The following LRCH2 variants were observed in gnomAD, a reference collection of about 807,000 sequenced individuals.
LRCH2 encodes leucine rich repeats and calponin homology domain containing 2, also known as leucine-rich repeat and calponin homology domain-containing protein 2.
Under a neutral mutation model 68.9 loss-of-function variants are expected in LRCH2, and 38 were observed. The observed-to-expected ratio is 0.55, with a 90% confidence interval of 0.43 to 0.72. The LOEUF is 0.72. Among genes scored for constraint, LRCH2 ranks in the 30% least tolerant of loss-of-function variants. The probability of loss-of-function intolerance (pLI) is 0.00; values close to 1 mark genes in which losing one functional copy is unlikely to be tolerated. For missense variants in LRCH2, 528 were observed against 572.9 expected, an observed-to-expected ratio of 0.92 and a Z score of 0.80; for synonymous variants, 191 against 208.1, an observed-to-expected ratio of 0.92 and a Z score of 0.71.
At chrX:115,218,016 A>C (rs782717167) in intron 1 of LRCH2, among the ~76,000 whole-genome samples, 8 of 111,739 alleles carry the variant, frequency 7.2e-5, no homozygotes, top group Non-Finnish European at 1.5e-4. Flanking sequence ...TGTTGGCTGC[A>C]TAAATGTCTT....
intron 5 of LRCH2, among the ~76,000 whole-genome samples, chrX:115,174,608 C>A (rs1392877681): frequency 1.0e-5 from 1 of 99,961 alleles, no homozygotes; most frequent in Non-Finnish European, 2.0e-5. Context: ...CCCCCACACA[C>A]ACACACACAC....
At chrX:115,143,078 G>A (rs782075386) in intron 14 of LRCH2, among the ~76,000 whole-genome samples, 2 of 111,146 alleles carry the variant, frequency 1.8e-5, no homozygotes, top group African/African-American at 6.5e-5. Context: ...CTGGGAGAAA[G>A]AGTGAGACTC....
intron 14 of LRCH2, among the ~76,000 whole-genome samples, chrX:115,138,172 G>A (rs1407927327): frequency 1.9e-5 from 2 of 106,711 alleles, no homozygotes; most frequent in Non-Finnish European, 3.9e-5. Context: ...GTCTCACAAA[G>A]CAAGCCATAC....
intron 6 of LRCH2, among the ~76,000 whole-genome samples, chrX:115,169,915 A>G (rs2072592228): frequency 9.0e-6 from 1 of 111,084 alleles, no homozygotes; most frequent in South Asian, 3.8e-4. Flanking sequence ...ACTATGATGA[A>G]AGGGAAAAGG....
intron 1 of LRCH2, among the ~76,000 whole-genome samples, chrX:115,223,454 T>A (rs56948113): frequency 0.17 from 17,983 of 106,925 alleles, 1,278 homozygotes; most frequent in Non-Finnish European, 0.2. Flanking sequence ...ATTTTTTTTT[T>A]AAAAAAACCT....
rs782586476 is a variant in LRCH2, at chrX:115,179,757, G to A, written c.622-6C>T. 2.0e-6 allele frequency: 2 copies of A among 1,019,918 alleles called. No homozygotes were observed. Among genetic ancestry groups the A allele is most frequent in the Admixed American group, 3.5e-5 (1 of 28,170 alleles). The allele number at this position is 1,019,918 out of a possible 1,213,427, so 84.1% of individuals were successfully genotyped here. A position where few individuals can be genotyped will look rare whatever the true frequency, so the allele number is the denominator to read the frequency against. On this transcript the variant is annotated splice_region_variant and splice_polypyrimidine_tract_variant and intron_variant, in intron 3 of 20. Transcript: ENST00000317135. ...ATCTCATTGCAGCTAATATCCTAAG[G>A]AGAACAATAAAACAGAATTATAACA...
chrX:115,188,316 G>T lies in LRCH2; in HGVS notation c.404C>A (p.Pro135His). ...ATGATATAAATTTAATGTTTCAAGG[G>T]GTGCAAATAACCAGACATCAGAAGG... ...EIPSDVWLFA[P>H]LETLNLYHNC... Residue 135 changes from proline (P) to histidine (H), a missense_variant, in exon 2 of 21, where the codon CCC (proline) becomes CAC (histidine). By Grantham distance (77) the Pro-to-His change is moderately conservative. Coordinates refer to ENST00000317135, the MANE Select transcript of LRCH2 (RefSeq NM_020871.4). The T allele has an allele frequency of 1.7e-6, 2 of 1,187,838 alleles. No individual in the cohort carries two copies. Among genetic ancestry groups the T allele is most frequent in the East Asian group, 3.0e-5 (1 of 33,404 alleles).
chrX:115,176,509 T>A (rs1416557581), intron 5 of LRCH2, among the ~76,000 whole-genome samples: 4 of 14,412 alleles, frequency 2.8e-4, no homozygotes, highest in Non-Finnish European at 6.4e-4. Flanking sequence ...ATTTTTCAAT[T>A]TTTTTTTTTT....
intron 14 of LRCH2, among the ~76,000 whole-genome samples, chrX:115,146,036 C>G (rs2072379403): frequency 8.9e-6 from 1 of 111,913 alleles, no homozygotes; most frequent in African/African-American, 3.2e-5. Flanking sequence ...TGGAAGCAAC[C>G]TAAGTGTCCA....
intron 1 of LRCH2, among the ~76,000 whole-genome samples, chrX:115,212,284 T>C (rs1461043753): frequency 1.8e-5 from 2 of 112,057 alleles, no homozygotes; most frequent in Non-Finnish European, 3.8e-5. Flanking sequence ...GATGGATGCA[T>C]GCACATGCAG....
chrX:115,131,556 C>T (rs1556530223), intron 14 of LRCH2, among the ~76,000 whole-genome samples: 1 of 111,708 alleles, frequency 9.0e-6, no homozygotes. Flanking sequence ...AATAGTGCTG[C>T]AATAAACATA....
intron 11 of LRCH2, among the ~76,000 whole-genome samples, chrX:115,157,057 A>T (rs920063462): frequency 1.6e-4 from 18 of 111,585 alleles, no homozygotes; most frequent in Non-Finnish European, 3.0e-4. Flanking sequence ...TTGCCAAATG[A>T]AAAATTTTAA....
chrX:115,221,392 T>C (rs2073084617), intron 1 of LRCH2, among the ~76,000 whole-genome samples: 1 of 108,366 alleles, frequency 9.2e-6, no homozygotes, highest in African/African-American at 3.4e-5. Context: ...AATGAGGGGT[T>C]CAGATATACA....
chrX:115,222,774 A>G, intron 1 of LRCH2, among the ~76,000 whole-genome samples: 1 of 112,083 alleles, frequency 8.9e-6, no homozygotes. Context: ...AATTCCCCCA[A>G]ATTGATGATT....
At chrX:115,150,156 T>A in intron 12 of LRCH2, 86 bp from the exon 13 acceptor site, 3 of 741,270 alleles carry the variant, frequency 4.0e-6, no homozygotes, top group South Asian at 3.9e-5. Context: ...GTTATCTTTT[T>A]AAAAACATTG....
At chrX:115,227,984 G>T in intron 1 of LRCH2, among the ~76,000 whole-genome samples, 1 of 111,729 alleles carries the variant, frequency 9.0e-6, no homozygotes, top group Non-Finnish European at 1.9e-5. Flanking sequence ...TTTCCTCAAA[G>T]AATTTGATAT....
intron 10 of LRCH2, 42 bp from the exon 11 acceptor site, chrX:115,163,825 G>A (rs782195966): frequency 1.2e-5 from 12 of 980,400 alleles, no homozygotes; most frequent in South Asian, 2.4e-5. Context: ...AAGTAAGGCA[G>A]ACTACATTTT....
At chrX:115,228,069 G>GCTAT (rs1168852447) in intron 1 of LRCH2, among the ~76,000 whole-genome samples, 2 of 112,079 alleles carry the variant, frequency 1.8e-5, no homozygotes. Context: ...TTAATGGAAT[G>GCTAT]CTATCTATTT....
chrX:115,224,418 C>A (rs2073105105), intron 1 of LRCH2, among the ~76,000 whole-genome samples: 1 of 111,487 alleles, frequency 9.0e-6, no homozygotes, highest in Non-Finnish European at 1.9e-5. Context: ...TGCAGTGGCT[C>A]ACCCCTGTAA....
Sources: allele counts gnomAD v4.1 joint callset (sites outside exome capture counted in the v4.1 genomes callset), GRCh38; gene constraint gnomAD v4.1.1; transcripts MANE v1.5; gene names NCBI Gene and HGNC (gene_info 2026-07-23, HGNC 2026-07-21).